The following KIRREL1 variants were observed in gnomAD, a reference collection of about 807,000 sequenced individuals.
KIRREL1 encodes the protein kin of IRRE-like protein 1.
In KIRREL1, 25 loss-of-function variants were observed where a neutral mutation model predicts 83.3. The observed-to-expected ratio is 0.30, with a 90% CI of 0.22 to 0.42. The LOEUF is 0.42. KIRREL1 is among the 10% of genes least tolerant of loss of function. The pLI is 1.00. For synonymous variants in KIRREL1, 388 were observed against 410.4 expected, an observed-to-expected ratio of 0.95 and a Z score of 0.66; for missense variants, 812 against 1,032.3, an observed-to-expected ratio of 0.79 and a Z score of 2.92.
intron 2 of KIRREL1, 44 bp downstream of exon 2, chr1:158,076,306 C>T (rs200949520): frequency 1.3e-4 from 208 of 1,579,948 alleles, no homozygotes; most frequent in South Asian, 4.2e-4. Flanking sequence ...CCATCTTCTC[C>T]GCCATTCCCC....
At chr1:158,045,276 G>A (rs1008396347) in intron 1 of KIRREL1, among the ~76,000 whole-genome samples, 1 of 152,166 alleles carries the variant, frequency 6.6e-6, no homozygotes, top group Non-Finnish European at 1.5e-5. Flanking sequence ...AGTTCTAGGG[G>A]CTGTGGGAAC....
chr1:158,002,975 C>CGAGGTTGGGAG (rs1380796942), intron 1 of KIRREL1, among the ~76,000 whole-genome samples: 4 of 152,188 alleles, frequency 2.6e-5, no homozygotes, highest in Admixed American at 1.3e-4. Context: ...ATCGAATCTC[C>CGAGGTTGGGAG]CAACCTCTTG....
rs1011947325 is a variant in KIRREL1 at position 158,091,645 on chromosome 1, C to T, written c.1471+89C>T. On this transcript the variant is annotated intron_variant, in intron 11 of 14. Transcript: ENST00000359209. The stretch of plus-strand genomic sequence containing the variant: ...TCTCCAGGGGCAGGGCTCAGCTGCT[C>T]CCCTTCCCTTGGGCTCTGCTCTGAG... 15 of 1,276,240 alleles carry T rather than the reference C, an allele frequency of 1.2e-5. No homozygotes were observed. In the East Asian group the frequency reaches 1.9e-4, roughly 16 times the overall value. 79.1% of individuals were successfully genotyped at this position (1,276,240 alleles called of 1,614,324 possible). A position where few individuals can be genotyped will look rare whatever the true frequency, so the allele number is the denominator to read the frequency against.
At chr1:158,093,891 A>T in intron 13 of KIRREL1, 129 bp downstream of exon 13, 3 of 916,116 alleles carry the variant, frequency 3.3e-6, no homozygotes, top group Non-Finnish European at 5.0e-6. Context: ...TGCCACACAC[A>T]CTCTCCCACA....
At chr1:157,994,653 G>A (rs937489292) in intron 1 of KIRREL1, among the ~76,000 whole-genome samples, 1 of 151,966 alleles carries the variant, frequency 6.6e-6, no homozygotes, top group African/African-American at 2.4e-5. Flanking sequence ...TGCCTCCCAG[G>A]TCTGACTCTA....
intron 1 of KIRREL1, among the ~76,000 whole-genome samples, chr1:158,068,661 C>T (rs1319884852): frequency 6.6e-6 from 1 of 152,216 alleles, no homozygotes; most frequent in Non-Finnish European, 1.5e-5. Context: ...ATCAGAAGTG[C>T]CAATCTCTCC....
chr1:158,064,961 A>C (rs1163861609), intron 1 of KIRREL1, among the ~76,000 whole-genome samples: 1 of 135,494 alleles, frequency 7.4e-6, no homozygotes, highest in East Asian at 2.1e-4. Context: ...TTAATTTTGA[A>C]GTGGGAAAGA....
chr1:158,012,789 A>G (rs1925034), intron 1 of KIRREL1, among the ~76,000 whole-genome samples: 43,808 of 152,222 alleles, frequency 0.29, 6,849 homozygotes, highest in African/African-American at 0.42. Flanking sequence ...TGGGCACTCA[A>G]CAAATGTGAG....
At chr1:158,042,902 T>A (rs1570943476) in intron 1 of KIRREL1, among the ~76,000 whole-genome samples, 1 of 117,564 alleles carries the variant, frequency 8.5e-6, no homozygotes. Flanking sequence ...TGAAACCCCG[T>A]CTCTACTAAA....
At chr1:158,085,630 A>G (rs533779147) in intron 4 of KIRREL1, among the ~76,000 whole-genome samples, 82 of 152,360 alleles carry the variant, frequency 5.4e-4, no homozygotes, top group Admixed American at 8.5e-4. Flanking sequence ...AAGCAGCACA[A>G]GGGAGCCAGT....
chr1:158,036,893 C>A (rs894067016), intron 1 of KIRREL1, among the ~76,000 whole-genome samples: 1 of 152,160 alleles, frequency 6.6e-6, no homozygotes, highest in African/African-American at 2.4e-5. Context: ...GTGAGGACGG[C>A]CGATAGCTGG....
At chr1:158,042,033 A>G (rs1218922527) in intron 1 of KIRREL1, among the ~76,000 whole-genome samples, 1 of 152,150 alleles carries the variant, frequency 6.6e-6, no homozygotes, top group Non-Finnish European at 1.5e-5. Context: ...TTGCCTGAGC[A>G]CTTCTGGAGC....
At chr1:158,048,986 G>T (rs1242871766) in intron 1 of KIRREL1, among the ~76,000 whole-genome samples, 1 of 152,196 alleles carries the variant, frequency 6.6e-6, no homozygotes, top group Non-Finnish European at 1.5e-5. Context: ...GTCCAGAGAA[G>T]CAGTCAGGTG....
chr1:158,064,627 T>A (rs553322050), intron 1 of KIRREL1, among the ~76,000 whole-genome samples: 1 of 152,296 alleles, frequency 6.6e-6, no homozygotes, highest in South Asian at 2.1e-4. Context: ...ATTAGAAAAT[T>A]TTATGTGAAT....
chr1:158,078,979 A>C, intron 3 of KIRREL1, among the ~76,000 whole-genome samples: 1 of 147,960 alleles, frequency 6.8e-6, no homozygotes, highest in Non-Finnish European at 1.5e-5. Context: ...CTCAGCCCCC[A>C]GCCTCTCTCC....
At chr1:158,048,546 G>A (rs945703211) in intron 1 of KIRREL1, among the ~76,000 whole-genome samples, 1 of 152,230 alleles carries the variant, frequency 6.6e-6, no homozygotes, top group African/African-American at 2.4e-5. Context: ...TGAACTCACA[G>A]CTACAGAATT....
intron 1 of KIRREL1, among the ~76,000 whole-genome samples, chr1:158,047,742 C>G (rs1660812457): frequency 6.6e-6 from 1 of 152,132 alleles, no homozygotes; most frequent in Admixed American, 6.6e-5. Context: ...GGGGCCAGAA[C>G]CCGGTTCATG....
At chr1:158,037,420 G>A (rs1011693086) in intron 1 of KIRREL1, among the ~76,000 whole-genome samples, 7 of 149,976 alleles carry the variant, frequency 4.7e-5, no homozygotes, top group African/African-American at 1.2e-4. Context: ...TTGAACCTGC[G>A]AGGCAGAGGT....
intron 1 of KIRREL1, among the ~76,000 whole-genome samples, chr1:158,061,011 G>C (rs753602565): frequency 2.0e-5 from 3 of 152,076 alleles, no homozygotes; most frequent in Non-Finnish European, 4.4e-5. Flanking sequence ...TAAACCCACT[G>C]AGGGCTGAGT....
Sources: gnomAD v4.1 joint callset for allele counts (sites outside exome capture counted in the v4.1 genomes callset) on GRCh38, gnomAD v4.1.1 for gene constraint, MANE v1.5 for transcripts, NCBI Gene and HGNC (gene_info 2026-07-23, HGNC 2026-07-21) for gene names.